GALNTL6: variants seen among roughly 807,000 people sequenced by gnomAD.
GALNTL6 encodes the protein polypeptide N-acetylgalactosaminyltransferase-like 6.
A neutral mutation model predicts 73.7 loss-of-function variants in GALNTL6; 46 were observed. The observed-to-expected ratio is 0.62, with a 90% CI of 0.49 to 0.80. The LOEUF (loss-of-function observed/expected upper bound fraction) is 0.80. GALNTL6 is among the 30% of genes least tolerant of loss of function. The pLI, the probability that GALNTL6 is intolerant of heterozygous loss-of-function variation, is 0.00. For synonymous variants in GALNTL6, 259 were observed against 263.7 expected, an observed-to-expected ratio of 0.98 and a Z score of 0.17; for missense variants, 604 against 755.0, an observed-to-expected ratio of 0.80 and a Z score of 2.34.
intron 3 of GALNTL6, among the ~76,000 whole-genome samples, chr4:172,283,766 A>C (rs1230897932): frequency 6.6e-6 from 1 of 152,142 alleles, no homozygotes; most frequent in Non-Finnish European, 1.5e-5. Context: ...AATGTAAATA[A>C]TTTGGATTAC....
chr4:172,546,966 T>C (rs553916271), intron 5 of GALNTL6, among the ~76,000 whole-genome samples: 127 of 151,424 alleles, frequency 8.4e-4, no homozygotes, highest in Middle Eastern at 6.8e-3. Flanking sequence ...GTTGTGAAAC[T>C]GAAACTCTAT....
intron 5 of GALNTL6, among the ~76,000 whole-genome samples, chr4:172,354,682 G>A (rs1177196191): frequency 6.6e-6 from 1 of 152,082 alleles, no homozygotes; most frequent in African/African-American, 2.4e-5. Flanking sequence ...ATTCGTAAAA[G>A]ATGGATATTA....
chr4:172,240,821 A>G (rs1737413140), intron 3 of GALNTL6, among the ~76,000 whole-genome samples: 1 of 152,094 alleles, frequency 6.6e-6, no homozygotes, highest in African/African-American at 2.4e-5. Context: ...ATTCCTATCC[A>G]TATTCTGAAT....
intron 5 of GALNTL6, among the ~76,000 whole-genome samples, chr4:172,616,532 CTTT>C (rs56070364): frequency 1.7e-5 from 2 of 117,414 alleles, no homozygotes; most frequent in African/African-American, 6.5e-5. Context: ...AATCCATACT[CTTT>C]TTTTTTTTTT....
chr4:172,123,185 C>T (rs905161133), intron 2 of GALNTL6, among the ~76,000 whole-genome samples: 1 of 152,090 alleles, frequency 6.6e-6, no homozygotes, highest in Non-Finnish European at 1.5e-5. Flanking sequence ...GCATTCTATG[C>T]TAGTTCTCAA....
intron 3 of GALNTL6, among the ~76,000 whole-genome samples, chr4:172,274,564 G>C (rs576440400): frequency 1.4e-4 from 22 of 152,274 alleles, no homozygotes; most frequent in African/African-American, 5.3e-4. Flanking sequence ...CAGAGCATCA[G>C]AGTGTTTGAT....
chr4:172,368,367 C>T (rs188991827), intron 5 of GALNTL6, among the ~76,000 whole-genome samples: 69 of 152,002 alleles, frequency 4.5e-4, no homozygotes, highest in African/African-American at 8.7e-4. Context: ...GGCGACAGTG[C>T]GAGACTCCAT....
chr4:172,047,232 G>A (rs1269952449), intron 2 of GALNTL6, among the ~76,000 whole-genome samples: 1 of 152,106 alleles, frequency 6.6e-6, no homozygotes, highest in Admixed American at 6.6e-5. Context: ...TGAGGCAGCG[G>A]CTCTCAAACC....
chr4:172,031,201 G>C lies in GALNTL6; in HGVS notation c.139-198455G>C, dbSNP rs542866031. Among the ~76,000 whole-genome samples, 14 of 133,860 alleles carry C rather than the reference G, an allele frequency of 1.0e-4. No homozygotes were observed. The South Asian group carries it at 1.9e-3, about 18-fold the overall frequency. 87.8% of individuals were successfully genotyped at this position (133,860 alleles called of 152,430 possible). A position where few individuals can be genotyped will look rare whatever the true frequency, so the allele number is the denominator to read the frequency against. Reference sequence around the variant, plus strand: ...CATGACAACTTGGAGAATTTCACCTGGGGGAGAGGATCCACAGGTAGTTCC... The same window carrying C: ...CATGACAACTTGGAGAATTTCACCTCGGGGAGAGGATCCACAGGTAGTTCC... On this transcript the variant is annotated intron_variant, in intron 2 of 12. Transcript: ENST00000506823.
chr4:172,742,655 T>C (rs1385822486), intron 5 of GALNTL6, among the ~76,000 whole-genome samples: 1 of 152,092 alleles, frequency 6.6e-6, no homozygotes, highest in Non-Finnish European at 1.5e-5. Context: ...TCTGGCTATG[T>C]AAGAGACTAC....
chr4:172,900,971 T>C (rs1276170054), intron 8 of GALNTL6, among the ~76,000 whole-genome samples: 1 of 152,218 alleles, frequency 6.6e-6, no homozygotes, highest in African/African-American at 2.4e-5. Context: ...ACATCTTTTC[T>C]GAGTGACCTG....
intron 2 of GALNTL6, among the ~76,000 whole-genome samples, chr4:172,155,942 C>A (rs1734239209): frequency 1.3e-5 from 2 of 151,974 alleles, no homozygotes; most frequent in East Asian, 3.9e-4. Flanking sequence ...TATAAGTTTA[C>A]CAAATTAATA....
intron 2 of GALNTL6, among the ~76,000 whole-genome samples, chr4:171,877,028 C>T (rs1291644782): frequency 3.3e-5 from 5 of 152,070 alleles, no homozygotes; most frequent in African/African-American, 4.8e-5. Context: ...GTGAGCTACT[C>T]GACCGCCCTC....
intron 5 of GALNTL6, among the ~76,000 whole-genome samples, chr4:172,591,416 A>T (rs77238032): frequency 3.3e-5 from 5 of 151,674 alleles, no homozygotes; most frequent in Admixed American, 3.3e-4. Context: ...TGAAACGCAT[A>T]ATTAGTATTT....
Position 172,096,517 on chromosome 4 carries a change from A to T in GALNTL6, c.139-133139A>T, listed in dbSNP as rs78345044. On this transcript the variant is annotated intron_variant, in intron 2 of 12. Transcript: ENST00000506823. Reference sequence around the variant, plus strand: ...TTTTCCTTGTTTTCTGATTGCTTATATTTACTGACAGCCCTTTTTATAAAA... The same window carrying T: ...TTTTCCTTGTTTTCTGATTGCTTATTTTTACTGACAGCCCTTTTTATAAAA... Among the ~76,000 whole-genome samples the T allele has an allele frequency of 8.5e-3, 1,247 of 146,068 alleles. 20 individuals are homozygous for T. The highest frequency in any genetic ancestry group is 0.03 in the African/African-American group (1,179 of 39,202).
chr4:172,151,944 AT>A, intron 2 of GALNTL6, among the ~76,000 whole-genome samples: 1 of 19,316 alleles, frequency 5.2e-5, no homozygotes, highest in South Asian at 5.8e-3. Context: ...ATTTATATCT[AT>A]CTATCTATCT....
At chr4:172,642,784 C>T (rs1215897501) in intron 5 of GALNTL6, among the ~76,000 whole-genome samples, 1 of 151,794 alleles carries the variant, frequency 6.6e-6, no homozygotes, top group Non-Finnish European at 1.5e-5. Context: ...ACCCATTTCA[C>T]TATGTATAAA....
chr4:172,709,646 C>T (rs1734571447), intron 5 of GALNTL6, among the ~76,000 whole-genome samples: 1 of 152,092 alleles, frequency 6.6e-6, no homozygotes, highest in Non-Finnish European at 1.5e-5. Flanking sequence ...GCCTACCTTC[C>T]CACAGTGTGG....
chr4:172,321,835 A>G (rs1740766588), intron 4 of GALNTL6, among the ~76,000 whole-genome samples: 1 of 152,172 alleles, frequency 6.6e-6, no homozygotes, highest in Non-Finnish European at 1.5e-5. Context: ...TCAGGCAGTT[A>G]TTAAATCTCT....
Sources: gnomAD v4.1 joint callset for allele counts (sites outside exome capture counted in the v4.1 genomes callset) on GRCh38, gnomAD v4.1.1 for gene constraint, MANE v1.5 for transcripts, NCBI Gene and HGNC (gene_info 2026-07-23, HGNC 2026-07-21) for gene names.